The following OLA1 variants were observed in gnomAD, a reference collection of about 807,000 sequenced individuals.
OLA1 encodes the protein Obg like ATPase 1.
In OLA1, 14 loss-of-function variants were observed where a neutral mutation model predicts 48.4. The ratio of observed to expected loss-of-function variants is 0.29; its 90% CI spans 0.19 to 0.45. The LOEUF (loss-of-function observed/expected upper bound fraction) is 0.45, where lower values mean the gene tolerates loss of function less well. OLA1 is among the 20% of genes least tolerant of loss of function. The pLI, the probability that OLA1 is intolerant of heterozygous loss-of-function variation, is 1.00. For missense variants in OLA1, 325 were observed against 467.1 expected, an observed-to-expected ratio of 0.70 and a Z score of 2.80; for synonymous variants, 127 against 150.4, an observed-to-expected ratio of 0.84 and a Z score of 1.14.
chr2:174,226,595 G>A (rs1056527187), intron 3 of OLA1, among the ~76,000 whole-genome samples: 2 of 152,078 alleles, frequency 1.3e-5, no homozygotes, highest in Non-Finnish European at 2.9e-5. Flanking sequence ...TGCCTGCCAA[G>A]TTCAAGCGAT....
intron 7 of OLA1, among the ~76,000 whole-genome samples, chr2:174,117,425 T>C (rs886174475): frequency 6.6e-6 from 1 of 152,206 alleles, no homozygotes; most frequent in African/African-American, 2.4e-5. Context: ...GTATTCTTCT[T>C]AACACACCCA....
chr2:174,121,194 C>CAGAGA (rs2105366316), intron 7 of OLA1, among the ~76,000 whole-genome samples: 1 of 152,148 alleles, frequency 6.6e-6, no homozygotes, highest in South Asian at 2.1e-4. Flanking sequence ...GTTGCATAAA[C>CAGAGA]AGAGAGGATT....
At chr2:174,242,038 G>A (rs144784374) in intron 2 of OLA1, among the ~76,000 whole-genome samples, 2 of 152,354 alleles carry the variant, frequency 1.3e-5, no homozygotes, top group African/African-American at 4.8e-5. Flanking sequence ...TCTGGACAAA[G>A]GGATGTTGGC....
chr2:174,125,520 CAAAAG>C (rs779518099), intron 5 of OLA1, among the ~76,000 whole-genome samples: 3 of 152,042 alleles, frequency 2.0e-5, no homozygotes, highest in Non-Finnish European at 4.4e-5. Flanking sequence ...AGAAAACAGA[CAAAAG>C]AAAGCCAAAC....
intron 4 of OLA1, among the ~76,000 whole-genome samples, chr2:174,195,620 G>T (rs1490749230): frequency 6.6e-6 from 1 of 152,114 alleles, no homozygotes; most frequent in Non-Finnish European, 1.5e-5. Flanking sequence ...AGAACAAAAA[G>T]GTCTTATTTT....
intron 4 of OLA1, among the ~76,000 whole-genome samples, chr2:174,143,525 G>A (rs1368347632): frequency 6.6e-6 from 1 of 152,200 alleles, no homozygotes; most frequent in Non-Finnish European, 1.5e-5. Flanking sequence ...GTGACACTCA[G>A]AATGAAAAAT....
chr2:174,085,535 A>T (rs1684951843), intron 7 of OLA1, among the ~76,000 whole-genome samples: 1 of 152,224 alleles, frequency 6.6e-6, no homozygotes, highest in South Asian at 2.1e-4. Flanking sequence ...CCATGAAACC[A>T]GTCCCTGGTG....
chr2:174,173,415 C>A (rs1224164013), intron 4 of OLA1, among the ~76,000 whole-genome samples: 1 of 152,110 alleles, frequency 6.6e-6, no homozygotes, highest in Non-Finnish European at 1.5e-5. Context: ...AAATATGTTT[C>A]TTTCTGTTAA....
chr2:174,089,399 G>C (rs1477413093), intron 7 of OLA1, among the ~76,000 whole-genome samples: 1 of 152,138 alleles, frequency 6.6e-6, no homozygotes, highest in Non-Finnish European at 1.5e-5. Context: ...TGATAAACTA[G>C]AGGCAGATAT....
chr2:174,168,932 A>C (rs1275643103), intron 4 of OLA1, among the ~76,000 whole-genome samples: 1 of 151,224 alleles, frequency 6.6e-6, no homozygotes, highest in African/African-American at 2.4e-5. Flanking sequence ...GACCTACTAG[A>C]TAATATAAAA....
chr2:174,243,475 CAA>C (rs1442554970), intron 2 of OLA1, among the ~76,000 whole-genome samples: 1 of 152,122 alleles, frequency 6.6e-6, no homozygotes, highest in Non-Finnish European at 1.5e-5. Context: ...ATCCAGCCGT[CAA>C]AGGGGAAATA....
At chr2:174,123,569 T>C (rs749117828) in intron 6 of OLA1, 26 bp downstream of exon 6, 6 of 1,398,180 alleles carry the variant, frequency 4.3e-6, no homozygotes, top group East Asian at 4.7e-5. Context: ...AAGGCAGTAA[T>C]AGATGGCATG....
chr2:174,162,761 A>G (rs1007514569), intron 4 of OLA1, among the ~76,000 whole-genome samples: 3 of 152,204 alleles, frequency 2.0e-5, no homozygotes, highest in African/African-American at 4.8e-5. Flanking sequence ...AAGTGATATA[A>G]TTGTGGTTAA....
At chr2:174,219,635 G>A (rs1473412362) in intron 4 of OLA1, among the ~76,000 whole-genome samples, 2 of 151,888 alleles carry the variant, frequency 1.3e-5, no homozygotes, top group African/African-American at 4.8e-5. Flanking sequence ...TAACCATGTT[G>A]CCCAGACTGG....
chr2:174,151,803 T>C (rs920585490), intron 4 of OLA1, among the ~76,000 whole-genome samples: 1 of 152,202 alleles, frequency 6.6e-6, no homozygotes, highest in African/African-American at 2.4e-5. Context: ...CTCCTATTTA[T>C]TTTCCATAAA....
chr2:174,230,959 C>T (rs1314066056), intron 2 of OLA1, among the ~76,000 whole-genome samples: 2 of 152,220 alleles, frequency 1.3e-5, no homozygotes, highest in Non-Finnish European at 2.9e-5. Context: ...TGTGCCCATT[C>T]TGGGCAAAAG....
chr2:174,111,166 A>C (rs1213207742), intron 7 of OLA1, among the ~76,000 whole-genome samples: 2 of 152,216 alleles, frequency 1.3e-5, no homozygotes, highest in Non-Finnish European at 2.9e-5. Flanking sequence ...AGGTGAGGAA[A>C]CCAAGGGCTA....
At chr2:174,139,864 CA>C (rs1162058790) in intron 5 of OLA1, among the ~76,000 whole-genome samples, 78 of 76,946 alleles carry the variant, frequency 1.0e-3, no homozygotes, top group African/African-American at 1.4e-3. Context: ...GACTCAGTCT[CA>C]AAAAAAAAAA....
intron 6 of OLA1, 29 bp downstream of exon 6, chr2:174,123,566 T>C: frequency 1.5e-6 from 2 of 1,350,508 alleles, no homozygotes; most frequent in Non-Finnish European, 1.0e-6. Context: ...GCAAAGGCAG[T>C]AATAGATGGC....
Sources: allele counts gnomAD v4.1 joint callset (sites outside exome capture counted in the v4.1 genomes callset), GRCh38; gene constraint gnomAD v4.1.1; transcripts MANE v1.5; gene names NCBI Gene and HGNC (gene_info 2026-07-23, HGNC 2026-07-21).